Variants in XKR9 observed in about 807,000 individuals in gnomAD.
XKR9 encodes the protein XK related 9.
In XKR9, 32 loss-of-function variants were observed where a neutral mutation model predicts 32.0. The observed-to-expected ratio is 1.00, with a 90% CI of 0.76 to 1.34. XKR9 has a LOEUF of 1.34. Among genes scored for constraint, XKR9 ranks in the 40% most tolerant of loss-of-function variants. The pLI, the probability that XKR9 is intolerant of heterozygous loss-of-function variation, is 0.00. For synonymous variants in XKR9, 168 were observed against 143.4 expected (o/e 1.17, Z -1.22); for missense variants, 546 against 429.7 (o/e 1.27, Z -2.39).
intron 2 of XKR9, among the ~76,000 whole-genome samples, chr8:70,778,040 C>G (rs946358902): frequency 6.6e-6 from 1 of 152,162 alleles, no homozygotes; most frequent in African/African-American, 2.4e-5. Flanking sequence ...TGCCTATGTC[C>G]TGAGTGGTAT....
At chr8:70,967,904 T>C in the XKR9 span, among the ~76,000 whole-genome samples, 1 of 152,188 alleles carries the variant, frequency 6.6e-6, no homozygotes, top group East Asian at 1.9e-4. Flanking sequence ...AATCTGACGA[T>C]TATGTGTCTT....
intron 3 of XKR9, among the ~76,000 whole-genome samples, chr8:70,704,489 C>T (rs1310473402): frequency 1.3e-5 from 2 of 152,260 alleles, no homozygotes; most frequent in East Asian, 3.9e-4. Context: ...ATTCTCACAT[C>T]AACCCAATGA....
the XKR9 span, among the ~76,000 whole-genome samples, chr8:70,902,444 G>T: frequency 6.6e-6 from 1 of 151,980 alleles, no homozygotes; most frequent in Non-Finnish European, 1.5e-5. Context: ...TCATGATTTG[G>T]CTCTCTGTTT....
chr8:70,967,611 C>T, the XKR9 span, among the ~76,000 whole-genome samples: 1 of 152,090 alleles, frequency 6.6e-6, no homozygotes, highest in Non-Finnish European at 1.5e-5. Flanking sequence ...CCTTCAGGAG[C>T]TCTTACAAGG....
chr8:71,005,664 T>C, the XKR9 span, among the ~76,000 whole-genome samples: 1 of 152,200 alleles, frequency 6.6e-6, no homozygotes, highest in African/African-American at 2.4e-5. Context: ...ACAAGTAGCT[T>C]CTAAGAGTAT....
intron 2 of XKR9, among the ~76,000 whole-genome samples, chr8:70,773,225 A>T (rs891771567): frequency 2.0e-5 from 3 of 152,208 alleles, no homozygotes; most frequent in Admixed American, 2.0e-4. Context: ...TTTTTAGTTC[A>T]GGTTGCCCAA....
the XKR9 span, among the ~76,000 whole-genome samples, chr8:70,931,717 G>C: frequency 6.6e-6 from 1 of 152,290 alleles, no homozygotes; most frequent in African/African-American, 2.4e-5. Flanking sequence ...CATGGCAGAG[G>C]CCAAAGAGGG....
the XKR9 span, among the ~76,000 whole-genome samples, chr8:70,870,942 C>T: frequency 2.0e-5 from 3 of 152,156 alleles, no homozygotes; most frequent in African/African-American, 7.2e-5. Flanking sequence ...GTATAATTTG[C>T]AAAACCTCCT....
the XKR9 span, among the ~76,000 whole-genome samples, chr8:70,996,049 A>C: frequency 3.3e-5 from 5 of 152,160 alleles, no homozygotes; most frequent in African/African-American, 1.2e-4. Flanking sequence ...GGGGAAAAAA[A>C]CAAAATACTT....
the XKR9 span, among the ~76,000 whole-genome samples, chr8:70,965,489 G>A: frequency 3.9e-5 from 6 of 152,184 alleles, no homozygotes; most frequent in East Asian, 1.9e-4. Flanking sequence ...GGAGTACCTC[G>A]TTTTCAATTG....
At chr8:70,921,002 T>C in the XKR9 span, among the ~76,000 whole-genome samples, 4 of 152,214 alleles carry the variant, frequency 2.6e-5, no homozygotes, top group Non-Finnish European at 5.9e-5. Flanking sequence ...TGGGTTGCTG[T>C]GAGCCACACA....
rs55854122 is a variant in XKR9, at chr8:70,683,989, T to G, written c.272+2659T>G. 4.8e-3 allele frequency among the ~76,000 whole-genome samples: 732 copies of G among 152,346 alleles called. 3 individuals carry two copies. Among genetic ancestry groups the G allele is most frequent in the Middle Eastern group, 0.041 (12 of 294 alleles). On this transcript the variant is annotated intron_variant, in intron 3 of 4. Transcript: ENST00000408926. Reference sequence around the variant, plus strand: ...TCTGCATATTATATTTGATTGTTTTTTGGTTTCTATTGTTGCTCTGGAGGA... The same window carrying G: ...TCTGCATATTATATTTGATTGTTTTGTGGTTTCTATTGTTGCTCTGGAGGA...
the XKR9 span, among the ~76,000 whole-genome samples, chr8:70,816,192 A>C: frequency 6.6e-6 from 1 of 152,190 alleles, no homozygotes; most frequent in Non-Finnish European, 1.5e-5. Flanking sequence ...ATAAAGCCAC[A>C]TATTTGCACC....
chr8:71,064,567 G>GT, the XKR9 span, among the ~76,000 whole-genome samples: 1 of 152,086 alleles, frequency 6.6e-6, no homozygotes, highest in Admixed American at 6.5e-5. Context: ...ATCTGCATTA[G>GT]TTTTTTCTCC....
chr8:71,009,664 A>G, the XKR9 span, among the ~76,000 whole-genome samples: 2 of 152,140 alleles, frequency 1.3e-5, no homozygotes, highest in African/African-American at 4.8e-5. Context: ...GATGGGGAAG[A>G]AGAGTGCTGA....
chr8:70,851,292 C>G, the XKR9 span, among the ~76,000 whole-genome samples: 1 of 152,080 alleles, frequency 6.6e-6, no homozygotes, highest in African/African-American at 2.4e-5. Context: ...AGCACACAAA[C>G]AAATGGAAAA....
At chr8:70,911,902 G>A in the XKR9 span, among the ~76,000 whole-genome samples, 2 of 152,076 alleles carry the variant, frequency 1.3e-5, no homozygotes, top group Admixed American at 6.6e-5. Context: ...GGTTATGAGA[G>A]AAGTGAACAT....
the XKR9 span, among the ~76,000 whole-genome samples, chr8:70,877,187 A>G: frequency 7.9e-5 from 12 of 152,126 alleles, no homozygotes; most frequent in African/African-American, 2.9e-4. Flanking sequence ...TCTCATGAGA[A>G]CTCATTCACT....
At chr8:70,745,706 A>G (rs769401154) in intron 2 of XKR9, among the ~76,000 whole-genome samples, 13 of 152,352 alleles carry the variant, frequency 8.5e-5, no homozygotes, top group Admixed American at 2.0e-4. Context: ...CTAGAGGGCA[A>G]TGGAACCACA....
Sources: gnomAD v4.1 joint callset for allele counts (sites outside exome capture counted in the v4.1 genomes callset) on GRCh38, gnomAD v4.1.1 for gene constraint, MANE v1.5 for transcripts, NCBI Gene and HGNC (gene_info 2026-07-23, HGNC 2026-07-21) for gene names.